The following MACROD2 variants were observed in gnomAD, a reference collection of about 807,000 sequenced individuals.
MACROD2 encodes mono-ADP ribosylhydrolase 2.
Under a neutral mutation model 70.4 loss-of-function variants are expected in MACROD2, and 36 were observed. The ratio of observed to expected loss-of-function variants is 0.51; its 90% CI spans 0.39 to 0.68. The LOEUF (loss-of-function observed/expected upper bound fraction) is 0.68, where lower values mean the gene tolerates loss of function less well. MACROD2 is among the 30% of genes least tolerant of loss of function. MACROD2 has a pLI of 0.00. For missense variants in MACROD2, 496 were observed against 538.4 expected, an observed-to-expected ratio of 0.92 and a Z score of 0.78; for synonymous variants, 172 against 178.8, an observed-to-expected ratio of 0.96 and a Z score of 0.30.
At chr20:14,330,913 T>C (rs1411725883) in intron 3 of MACROD2, among the ~76,000 whole-genome samples, 1 of 152,160 alleles carries the variant, frequency 6.6e-6, no homozygotes, top group African/African-American at 2.4e-5. Flanking sequence ...TAAAAGTTTT[T>C]TAAACTTGAA....
At chr20:15,971,272 T>G (rs1051207656) in intron 13 of MACROD2, among the ~76,000 whole-genome samples, 6 of 152,160 alleles carry the variant, frequency 3.9e-5, no homozygotes, top group African/African-American at 1.4e-4. Flanking sequence ...CACCCAAATC[T>G]CATCTTGAAT....
At chr20:15,426,312 A>G (rs1487063148) in intron 6 of MACROD2, among the ~76,000 whole-genome samples, 1 of 152,104 alleles carries the variant, frequency 6.6e-6, no homozygotes, top group Non-Finnish European at 1.5e-5. Context: ...ATTTCACATA[A>G]GAAAAAATTC....
chr20:14,904,895 C>T (rs1291388704), intron 5 of MACROD2: 3 of 152,096 alleles, frequency 2.0e-5, no homozygotes, highest in Non-Finnish European at 4.4e-5. Context: ...ACACACAAAC[C>T]GATGGTGCAG....
intron 4 of MACROD2, among the ~76,000 whole-genome samples, chr20:14,644,757 C>T (rs2123498276): frequency 6.6e-6 from 1 of 152,278 alleles, no homozygotes; most frequent in African/African-American, 2.4e-5. Flanking sequence ...ACTCTGGCTA[C>T]ACAGGCAGAA....
chr20:14,322,238 C>T (rs556429840), intron 3 of MACROD2, among the ~76,000 whole-genome samples: 66 of 114,946 alleles, frequency 5.7e-4, no homozygotes, highest in African/African-American at 1.9e-3. Flanking sequence ...TTATAGCAAG[C>T]GTAGGTAAAG....
intron 5 of MACROD2, among the ~76,000 whole-genome samples, chr20:14,689,372 T>C (rs1465120397): frequency 6.6e-6 from 1 of 152,208 alleles, no homozygotes; most frequent in African/African-American, 2.4e-5. Flanking sequence ...TCTTTCTTCA[T>C]TTTTCTAATG....
chr20:15,754,361 GC>G (rs2051315030), intron 8 of MACROD2, among the ~76,000 whole-genome samples: 1 of 152,128 alleles, frequency 6.6e-6, no homozygotes, highest in Non-Finnish European at 1.5e-5. Flanking sequence ...GGTGGCTCAC[GC>G]CCGTAATCTC....
intron 5 of MACROD2, among the ~76,000 whole-genome samples, chr20:15,175,002 T>G (rs1424703257): frequency 6.6e-6 from 1 of 152,114 alleles, no homozygotes; most frequent in Non-Finnish European, 1.5e-5. Flanking sequence ...AGAAGCTCTT[T>G]AGTTTAATTA....
At chr20:14,967,583 G>A (rs1207260782) in intron 5 of MACROD2, among the ~76,000 whole-genome samples, 2 of 152,046 alleles carry the variant, frequency 1.3e-5, no homozygotes, top group Admixed American at 1.3e-4. Flanking sequence ...CACTCTCTTA[G>A]TGTCAACTTT....
At chr20:15,170,670 A>C (rs1239940809) in intron 5 of MACROD2, among the ~76,000 whole-genome samples, 2 of 152,338 alleles carry the variant, frequency 1.3e-5, no homozygotes, top group Admixed American at 6.5e-5. Flanking sequence ...GGCCAACTCA[A>C]ACCAGAGCCA....
chr20:15,019,814 A>G (rs2075150478), intron 5 of MACROD2, among the ~76,000 whole-genome samples: 1 of 152,230 alleles, frequency 6.6e-6, no homozygotes, highest in South Asian at 2.1e-4. Flanking sequence ...TTTGTGTACC[A>G]AGAGGTAAAA....
chr20:15,508,796 G>A (rs981002201), intron 8 of MACROD2, among the ~76,000 whole-genome samples: 3 of 152,136 alleles, frequency 2.0e-5, no homozygotes, highest in Admixed American at 6.5e-5. Context: ...CACAGCTACC[G>A]TGTTCCCTAC....
At chr20:15,946,427 G>T (rs942159174) in intron 12 of MACROD2, among the ~76,000 whole-genome samples, 1 of 152,066 alleles carries the variant, frequency 6.6e-6, no homozygotes, top group Non-Finnish European at 1.5e-5. Context: ...AGATAATACA[G>T]GTGAGGGGGG....
At chr20:15,670,185 A>C (rs935667728) in intron 8 of MACROD2, among the ~76,000 whole-genome samples, 1 of 152,230 alleles carries the variant, frequency 6.6e-6, no homozygotes, top group Admixed American at 6.5e-5. Context: ...AAAACGAAGG[A>C]ATCGGAAAGC....
intron 3 of MACROD2, among the ~76,000 whole-genome samples, chr20:14,186,135 A>C (rs2081342244): frequency 6.6e-6 from 1 of 152,180 alleles, no homozygotes; most frequent in Non-Finnish European, 1.5e-5. Context: ...GAATTTCCAT[A>C]GTGTGTATTT....
intron 6 of MACROD2, among the ~76,000 whole-genome samples, chr20:15,244,616 A>C (rs931959285): frequency 3.3e-5 from 5 of 152,174 alleles, no homozygotes; most frequent in Non-Finnish European, 7.3e-5. Flanking sequence ...TCATTCCAGA[A>C]GGTATGGTTT....
At chr20:15,746,505 C>T (rs2051185017) in intron 8 of MACROD2, among the ~76,000 whole-genome samples, 1 of 144,578 alleles carries the variant, frequency 6.9e-6, no homozygotes, top group African/African-American at 2.6e-5. Flanking sequence ...TGCCTTATTG[C>T]ACTTATTTCC....
chr20:14,121,036 AAC>A (rs2054582440), intron 3 of MACROD2, among the ~76,000 whole-genome samples: 1 of 152,038 alleles, frequency 6.6e-6, no homozygotes, highest in Non-Finnish European at 1.5e-5. Flanking sequence ...AGAAGGAAAA[AAC>A]AGTATTTTTA....
At chr20:14,035,500 T>A (rs193076349) in intron 2 of MACROD2, among the ~76,000 whole-genome samples, 149 of 152,304 alleles carry the variant, frequency 9.8e-4, no homozygotes, top group African/African-American at 2.6e-3. Context: ...TAATCTGTAA[T>A]GTAAAATTCC....
Sources: gnomAD v4.1 joint callset for allele counts (sites outside exome capture counted in the v4.1 genomes callset) on GRCh38, gnomAD v4.1.1 for gene constraint, MANE v1.5 for transcripts, NCBI Gene and HGNC (gene_info 2026-07-23, HGNC 2026-07-21) for gene names.